The following C1orf94 variants were observed in gnomAD, a reference collection of about 807,000 sequenced individuals.
C1orf94 encodes chromosome 1 open reading frame 94, also known as uncharacterized protein C1orf94.
Under a neutral mutation model 53.6 loss-of-function variants are expected in C1orf94, and 45 were observed. The observed-to-expected ratio is 0.84, with a 90% CI of 0.66 to 1.08. The LOEUF (loss-of-function observed/expected upper bound fraction) is 1.08, where lower values mean the gene tolerates loss of function less well. Among genes scored for constraint, C1orf94 ranks in the 50% least tolerant of loss-of-function variants. The pLI is 0.00. For synonymous variants in C1orf94, 304 were observed against 296.1 expected (o/e 1.03, Z -0.27); for missense variants, 762 against 738.9 (o/e 1.03, Z -0.36).
upstream of C1orf94, among the ~76,000 whole-genome samples, chr1:34,176,721 G>A (rs574796088): frequency 5.3e-5 from 8 of 152,208 alleles, no homozygotes; most frequent in Non-Finnish European, 1.2e-4. Context: ...TAAAATGGCA[G>A]TTAGGATTAA....
intron 4 of C1orf94, 60 bp from the exon 5 acceptor site, chr1:34,208,097 C>A: frequency 6.5e-7 from 1 of 1,536,470 alleles, no homozygotes; most frequent in Non-Finnish European, 9.0e-7. Flanking sequence ...AGCTGAGTAG[C>A]TGATGCCTTC....
At chr1:34,178,933 G>A (rs1557476347) in intron 1 of C1orf94, among the ~76,000 whole-genome samples, 1 of 152,224 alleles carries the variant, frequency 6.6e-6, no homozygotes, top group African/African-American at 2.4e-5. Context: ...TGTGAGGCAG[G>A]TATTAGTGTC....
intron 2 of C1orf94, among the ~76,000 whole-genome samples, chr1:34,199,721 T>G (rs368529137): frequency 6.6e-6 from 1 of 152,174 alleles, no homozygotes; most frequent in Non-Finnish European, 1.5e-5. Flanking sequence ...TATGTCTGCA[T>G]TGGGAGAATA....
At chr1:34,203,034 G>A (rs1642737644) in intron 4 of C1orf94, among the ~76,000 whole-genome samples, 4 of 152,364 alleles carry the variant, frequency 2.6e-5, no homozygotes, top group Non-Finnish European at 4.4e-5. Context: ...CAAATACTAT[G>A]CCATTTTATA....
At chr1:34,216,506 C>A (rs1166736994) in intron 6 of C1orf94, among the ~76,000 whole-genome samples, 1 of 152,002 alleles carries the variant, frequency 6.6e-6, no homozygotes, top group Admixed American at 6.6e-5. Context: ...GCTGATGGAA[C>A]AAGATCAAGG....
upstream of C1orf94, among the ~76,000 whole-genome samples, chr1:34,173,467 A>G (rs1231818663): frequency 6.6e-6 from 1 of 152,190 alleles, no homozygotes; most frequent in Non-Finnish European, 1.5e-5. Context: ...TGTTTGTGTC[A>G]GAGATGAAAG....
At chr1:34,199,870 C>A (rs899249879) in intron 2 of C1orf94, among the ~76,000 whole-genome samples, 2 of 152,230 alleles carry the variant, frequency 1.3e-5, no homozygotes, top group African/African-American at 4.8e-5. Flanking sequence ...GCCTGCCATG[C>A]CTTCCTCCCC....
intron 5 of C1orf94, among the ~76,000 whole-genome samples, chr1:34,208,569 A>G (rs1309822456): frequency 6.6e-6 from 1 of 152,222 alleles, no homozygotes; most frequent in Non-Finnish European, 1.5e-5. Flanking sequence ...TAACTTGCCC[A>G]AAGTAATAAA....
At chr1:34,173,758 T>C (rs1642181875), upstream of C1orf94, among the ~76,000 whole-genome samples, 1 of 152,190 alleles carries the variant, frequency 6.6e-6, no homozygotes, top group South Asian at 2.1e-4. Context: ...GTAATGTAAG[T>C]AGTCAGGGGG....
intron 4 of C1orf94, among the ~76,000 whole-genome samples, chr1:34,205,388 G>C (rs1380051546): frequency 1.3e-5 from 2 of 152,210 alleles, no homozygotes; most frequent in Admixed American, 6.5e-5. Context: ...CAACATAGCT[G>C]ATCAAGGGGC....
chr1:34,169,252 C>T (rs1476812877), intron 1 of C1orf94, among the ~76,000 whole-genome samples: 1 of 152,068 alleles, frequency 6.6e-6, no homozygotes, highest in Non-Finnish European at 1.5e-5. Context: ...AATGGAGAGG[C>T]AGGAGTCAAA....
intron 5 of C1orf94, among the ~76,000 whole-genome samples, chr1:34,211,424 G>A (rs538009460): frequency 1.4e-4 from 21 of 152,220 alleles, no homozygotes; most frequent in African/African-American, 5.1e-4. Context: ...GGGAGCCCCA[G>A]TTCTAGGTCG....
chr1:34,196,520 C>T (rs571133924), intron 1 of C1orf94, among the ~76,000 whole-genome samples: 4 of 152,076 alleles, frequency 2.6e-5, no homozygotes, highest in Non-Finnish European at 4.4e-5. Context: ...GATCCAGGGG[C>T]GGGGACCAAC....
intron 2 of C1orf94, among the ~76,000 whole-genome samples, chr1:34,200,166 A>G (rs1402020065): frequency 2.0e-5 from 3 of 152,214 alleles, no homozygotes; most frequent in Non-Finnish European, 4.4e-5. Flanking sequence ...ATAAAACAAA[A>G]GTAGAATCCA....
At position 34,197,030 on chromosome 1, in the gene C1orf94, C is replaced by G. The variant is rs1642598386; in HGVS notation, c.321-195C>G. Among the ~76,000 whole-genome samples the G allele has an allele frequency of 6.6e-6, 1 of 152,206 alleles. No homozygotes were observed. ...GGTTTCCCCATTTTTCAAAACCATGCTCTCAGTGCTGCATCCTACCGCTGT... is the reference window on the plus strand; with the variant it reads ...GGTTTCCCCATTTTTCAAAACCATGGTCTCAGTGCTGCATCCTACCGCTGT... On this transcript the variant is annotated intron_variant, in intron 1 of 6. Transcript: ENST00000488417. The surrounding 1 kb of genome is among the most constrained non-coding windows in gnomAD (Gnocchi z 4.1).
At chr1:34,191,131 A>C (rs1642473562) in intron 1 of C1orf94, among the ~76,000 whole-genome samples, 1 of 152,204 alleles carries the variant, frequency 6.6e-6, no homozygotes. Context: ...ACACTTTTCA[A>C]GTCTCCACGT....
At chr1:34,168,642 G>A (rs949339531) in intron 1 of C1orf94, among the ~76,000 whole-genome samples, 4 of 152,188 alleles carry the variant, frequency 2.6e-5, no homozygotes, top group African/African-American at 7.2e-5. Context: ...TCAAGAGGTC[G>A]ACACAGTTGG....
chr1:34,199,053 G>A lies in C1orf94; in HGVS notation c.1009+1140G>A, dbSNP rs72667785. On this transcript the variant is annotated intron_variant, in intron 2 of 6. Coordinates refer to ENST00000488417, the MANE Select transcript of C1orf94 (RefSeq NM_001134734.2). Reference sequence around the variant, plus strand: ...TGTGTGTACGAATGTGTGAGCAAAAGTGTGCCAAAAGGAGTTTTGAAGGTT... The same window carrying A: ...TGTGTGTACGAATGTGTGAGCAAAAATGTGCCAAAAGGAGTTTTGAAGGTT... Among the ~76,000 whole-genome samples the A allele has an allele frequency of 5.2e-3, 642 of 122,414 alleles. 3 individuals carry two copies. Among genetic ancestry groups the A allele is most frequent in the Non-Finnish European group, 7.8e-3 (491 of 62,690 alleles). 80.3% of individuals were successfully genotyped at this position (122,414 alleles called of 152,430 possible).
At chr1:34,215,054 G>A (rs1642959792) in intron 6 of C1orf94, among the ~76,000 whole-genome samples, 1 of 152,192 alleles carries the variant, frequency 6.6e-6, no homozygotes, top group African/African-American at 2.4e-5. Context: ...TTTCATTCTA[G>A]AAGGAGAAAT....
Sources: gnomAD v4.1 joint callset for allele counts (sites outside exome capture counted in the v4.1 genomes callset) on GRCh38, gnomAD v4.1.1 for gene constraint, Gnocchi (gnomAD v3.1) non-coding constraint, MANE v1.5 for transcripts, NCBI Gene and HGNC (gene_info 2026-07-23, HGNC 2026-07-21) for gene names.